The following GABRB2 variants were observed in gnomAD, a reference collection of about 807,000 sequenced individuals.
GABRB2 encodes the protein gamma-aminobutyric acid type A receptor subunit beta2, also known as gamma-aminobutyric acid receptor subunit beta-2.
GABRB2 carries 16 observed loss-of-function variants against 54.7 expected under a neutral mutation model. The ratio of observed to expected loss-of-function variants is 0.29; its 90% CI spans 0.20 to 0.44. The LOEUF (loss-of-function observed/expected upper bound fraction) is 0.44, where lower values mean the gene tolerates loss of function less well. GABRB2 is among the 20% of genes least tolerant of loss of function. The probability of loss-of-function intolerance (pLI) is 1.00; values close to 1 mark genes in which losing one functional copy is unlikely to be tolerated. For synonymous variants in GABRB2, 244 were observed against 233.8 expected, an observed-to-expected ratio of 1.04 and a Z score of -0.40; for missense variants, 355 against 644.0, an observed-to-expected ratio of 0.55 and a Z score of 4.86.
At chr5:161,377,024 C>A (rs780705665) in intron 5 of GABRB2, among the ~76,000 whole-genome samples, 7 of 151,926 alleles carry the variant, frequency 4.6e-5, no homozygotes, top group Non-Finnish European at 8.8e-5. Flanking sequence ...ATTAATATAA[C>A]CATGTAATAA....
chr5:161,411,981 T>G (rs1756527901), intron 4 of GABRB2, among the ~76,000 whole-genome samples: 1 of 152,084 alleles, frequency 6.6e-6, no homozygotes, highest in Non-Finnish European at 1.5e-5. Context: ...CTTTAAAAAT[T>G]TCCATCTGCT....
In GABRB2 at chr5:161,534,966, C is replaced by T. The variant is rs541307657; in HGVS notation, c.237+10261G>A. Among the ~76,000 whole-genome samples the T allele has an allele frequency of 3.3e-5, 5 of 152,144 alleles. No individual in the cohort carries two copies. In the South Asian group the frequency reaches 1.0e-3, roughly 32 times the overall value. On this transcript the variant is annotated intron_variant, in intron 3 of 9. Coordinates refer to ENST00000393959, the MANE Select transcript of GABRB2 (RefSeq NM_001371727.1). ...AGATGTAGAATATTCATATAGTGCCCACACATATCCTAAAACTACTGAGAC... is the reference window on the plus strand; with the variant it reads ...AGATGTAGAATATTCATATAGTGCCTACACATATCCTAAAACTACTGAGAC...
At chr5:161,402,197 T>C (rs2113083948) in intron 5 of GABRB2, among the ~76,000 whole-genome samples, 1 of 152,158 alleles carries the variant, frequency 6.6e-6, no homozygotes, top group East Asian at 1.9e-4. Context: ...AAATAATTTA[T>C]GTTCTAAAAT....
chr5:161,316,192 G>A (rs1248692353), intron 9 of GABRB2, among the ~76,000 whole-genome samples: 1 of 152,096 alleles, frequency 6.6e-6, no homozygotes, highest in Non-Finnish European at 1.5e-5. Context: ...TTTGACAGAG[G>A]TTGACATTTC....
chr5:161,416,134 C>G (rs1280751740), intron 4 of GABRB2, among the ~76,000 whole-genome samples: 2 of 152,026 alleles, frequency 1.3e-5, no homozygotes, highest in East Asian at 3.9e-4. Flanking sequence ...GAGACAAGGT[C>G]TCACTATATT....
At chr5:161,515,101 G>GA (rs929629902) in intron 3 of GABRB2, among the ~76,000 whole-genome samples, 2 of 152,042 alleles carry the variant, frequency 1.3e-5, no homozygotes, top group African/African-American at 4.8e-5. Context: ...TAGATAGGTA[G>GA]AAAAAAGGAC....
chr5:161,481,974 C>T (rs1017989481), intron 3 of GABRB2, among the ~76,000 whole-genome samples: 1 of 151,994 alleles, frequency 6.6e-6, no homozygotes, highest in Non-Finnish European at 1.5e-5. Flanking sequence ...GCCCAATCCT[C>T]TAAATTCAAA....
intron 3 of GABRB2, among the ~76,000 whole-genome samples, chr5:161,516,276 A>G (rs1759945274): frequency 6.6e-6 from 1 of 152,184 alleles, no homozygotes; most frequent in African/African-American, 2.4e-5. Flanking sequence ...TACATACCTG[A>G]AAGAAACTAT....
chr5:161,349,539 T>C (rs1754413476), intron 5 of GABRB2, among the ~76,000 whole-genome samples: 1 of 152,116 alleles, frequency 6.6e-6, no homozygotes, highest in African/African-American at 2.4e-5. Flanking sequence ...GATGCACTTC[T>C]GAAAAACAGA....
intron 3 of GABRB2, among the ~76,000 whole-genome samples, chr5:161,470,306 G>C (rs945304898): frequency 6.6e-6 from 1 of 151,792 alleles, no homozygotes; most frequent in Middle Eastern, 3.2e-3. Context: ...TTATCCATGA[G>C]GGACACGTAT....
chr5:161,453,644 T>C (rs539531544), intron 4 of GABRB2, among the ~76,000 whole-genome samples: 9 of 152,336 alleles, frequency 5.9e-5, no homozygotes, highest in African/African-American at 2.2e-4. Context: ...TGGTATTTTA[T>C]TATAGTGCCC....
intron 5 of GABRB2, among the ~76,000 whole-genome samples, chr5:161,374,322 A>G (rs1034085261): frequency 6.6e-6 from 1 of 152,190 alleles, no homozygotes; most frequent in East Asian, 1.9e-4. Flanking sequence ...CTCAAACTTA[A>G]CATGCTCAAA....
At chr5:161,310,533 C>A (rs535064727) in intron 9 of GABRB2, among the ~76,000 whole-genome samples, 1 of 152,072 alleles carries the variant, frequency 6.6e-6, no homozygotes, top group Admixed American at 6.5e-5. Context: ...TTTTCATAGG[C>A]CAGATACATT....
chr5:161,348,443 C>T (rs1057056005), intron 5 of GABRB2, among the ~76,000 whole-genome samples: 8 of 152,064 alleles, frequency 5.3e-5, no homozygotes, highest in East Asian at 1.9e-4. Context: ...CATTTATTTT[C>T]GAAATACCTT....
chr5:161,421,144 A>C (rs1339147215), intron 4 of GABRB2, among the ~76,000 whole-genome samples: 1 of 152,150 alleles, frequency 6.6e-6, no homozygotes, highest in Non-Finnish European at 1.5e-5. Flanking sequence ...GCTATTTTCT[A>C]GGCACTTTAG....
chr5:161,475,330 A>T (rs1561663647), intron 3 of GABRB2, among the ~76,000 whole-genome samples: 2 of 151,906 alleles, frequency 1.3e-5, no homozygotes. Context: ...TCACTTTATT[A>T]TTATTATTCC....
chr5:161,469,457 G>A (rs573970713), intron 3 of GABRB2, among the ~76,000 whole-genome samples: 2 of 151,492 alleles, frequency 1.3e-5, no homozygotes, highest in African/African-American at 4.8e-5. Context: ...GGAAGCAAAC[G>A]CTTAAGCCAT....
intron 3 of GABRB2, among the ~76,000 whole-genome samples, chr5:161,482,338 G>T (rs11746038): frequency 1.3e-5 from 2 of 152,068 alleles, no homozygotes; most frequent in Non-Finnish European, 2.9e-5. Flanking sequence ...TGTAGTAGGG[G>T]TGATTCTTGA....
intron 3 of GABRB2, among the ~76,000 whole-genome samples, chr5:161,462,882 C>T (rs996225149): frequency 5.9e-4 from 89 of 152,070 alleles, no homozygotes; most frequent in African/African-American, 2.1e-3. Flanking sequence ...TACCCTTTCC[C>T]CTAGGCTCCT....
Sources: gnomAD v4.1 joint callset for allele counts (sites outside exome capture counted in the v4.1 genomes callset) on GRCh38, gnomAD v4.1.1 for gene constraint, MANE v1.5 for transcripts, NCBI Gene and HGNC (gene_info 2026-07-23, HGNC 2026-07-21) for gene names.